Variants in KCNMB2 observed in about 807,000 individuals in gnomAD.
KCNMB2 encodes the protein calcium-activated potassium channel subunit beta-2.
In KCNMB2, 9 loss-of-function variants were observed where a neutral mutation model predicts 24.5. That is an observed-to-expected ratio of 0.37 (90% confidence interval 0.22 to 0.64). KCNMB2 has a LOEUF of 0.64. Among genes scored for constraint, KCNMB2 ranks in the 30% least tolerant of loss-of-function variants. KCNMB2 has a pLI of 0.63. For synonymous variants in KCNMB2, 109 were observed against 104.4 expected (o/e 1.04, Z -0.27); for missense variants, 226 against 284.3 (o/e 0.79, Z 1.47).
chr3:178,556,174 G>A (rs1282290279), intron 1 of KCNMB2, among the ~76,000 whole-genome samples: 1 of 152,214 alleles, frequency 6.6e-6, no homozygotes, highest in Non-Finnish European at 1.5e-5. Flanking sequence ...ATAAACTCAG[G>A]TTGAGTTTGA....
intron 1 of KCNMB2, among the ~76,000 whole-genome samples, chr3:178,692,794 C>T (rs1233657631): frequency 2.0e-5 from 3 of 152,128 alleles, no homozygotes; most frequent in Non-Finnish European, 4.4e-5. Context: ...AGAATCTCAA[C>T]AGTAGTTTAA....
chr3:178,591,508 C>G (rs1035559863), intron 1 of KCNMB2, among the ~76,000 whole-genome samples: 1 of 152,164 alleles, frequency 6.6e-6, no homozygotes, highest in African/African-American at 2.4e-5. Flanking sequence ...AGGGAGCACT[C>G]CCCGTCTCTC....
chr3:178,571,884 A>G (rs1417988343), intron 1 of KCNMB2, among the ~76,000 whole-genome samples: 1 of 152,112 alleles, frequency 6.6e-6, no homozygotes, highest in Non-Finnish European at 1.5e-5. Context: ...ACGGCTGCAT[A>G]GTATTCTATG....
At chr3:178,609,648 T>C (rs192087828) in intron 1 of KCNMB2, among the ~76,000 whole-genome samples, 228 of 152,234 alleles carry the variant, frequency 1.5e-3, no homozygotes, top group Non-Finnish European at 2.4e-3. Context: ...TTTCGATTTT[T>C]TTTTTTTTGG....
At chr3:178,768,094 A>G (rs943179956) in intron 1 of KCNMB2, among the ~76,000 whole-genome samples, 2 of 152,036 alleles carry the variant, frequency 1.3e-5, no homozygotes, top group Admixed American at 1.3e-4. Flanking sequence ...GTGAAGATAG[A>G]TTCCCCCAGA....
intron 1 of KCNMB2, among the ~76,000 whole-genome samples, chr3:178,746,524 T>C (rs1723674767): frequency 6.6e-6 from 1 of 152,240 alleles, no homozygotes; most frequent in South Asian, 2.1e-4. Context: ...GGCTCCTTGT[T>C]ACTTATGCAA....
intron 1 of KCNMB2, among the ~76,000 whole-genome samples, chr3:178,617,733 C>CA (rs1230999801): frequency 6.6e-6 from 1 of 150,704 alleles, no homozygotes; most frequent in African/African-American, 2.4e-5. Flanking sequence ...ACTAAAAACA[C>CA]AAAAAAAATT....
intron 2 of KCNMB2, chr3:178,820,648 C>A (rs1714587825): frequency 6.6e-6 from 1 of 152,544 alleles, no homozygotes; most frequent in African/African-American, 2.4e-5. Context: ...TATGGGCTGA[C>A]CCCCAATATC....
intron 1 of KCNMB2, among the ~76,000 whole-genome samples, chr3:178,578,499 T>A (rs1471589701): frequency 6.6e-6 from 1 of 152,168 alleles, no homozygotes; most frequent in Non-Finnish European, 1.5e-5. Context: ...GCTAGCATCA[T>A]AATGACAGGA....
intron 1 of KCNMB2, among the ~76,000 whole-genome samples, chr3:178,719,064 C>T (rs1722713114): frequency 6.6e-6 from 1 of 152,260 alleles, no homozygotes; most frequent in Non-Finnish European, 1.5e-5. Context: ...AGAAGCATCA[C>T]TGCATCAGTC....
chr3:178,819,140 G>GT (rs1276176794), intron 2 of KCNMB2, among the ~76,000 whole-genome samples: 1 of 152,036 alleles, frequency 6.6e-6, no homozygotes, highest in Non-Finnish European at 1.5e-5. Context: ...GCCCTTTTCT[G>GT]TTTTTTTCTT....
intron 1 of KCNMB2, among the ~76,000 whole-genome samples, chr3:178,707,256 AGTTTTCTCATCT>A (rs1177269257): frequency 2.6e-5 from 4 of 152,278 alleles, no homozygotes; most frequent in African/African-American, 9.6e-5. Context: ...TTTTATCATT[AGTTTTCTCATCT>A]GTGTAAAGAA....
Position 178,819,958 on chromosome 3 carries a change from TC to T in KCNMB2, c.57-5628del, listed in dbSNP as rs1190587209. 4.6e-5 allele frequency among the ~76,000 whole-genome samples: 7 copies of T among 152,086 alleles called. No homozygotes were observed. The East Asian group carries it at 1.2e-3, about 25-fold the overall frequency. On this transcript the variant is annotated intron_variant, in intron 2 of 4. Coordinates refer to ENST00000452583, the MANE Select transcript of KCNMB2 (RefSeq NM_181361.3). ...AATATATTTACAAAGAGACTAAGCC[TC>T]CTTAGAAAACTTAGCTTTTAAAAAT...
chr3:178,777,696 T>C (rs1712639303), intron 1 of KCNMB2, among the ~76,000 whole-genome samples: 1 of 152,172 alleles, frequency 6.6e-6, no homozygotes, highest in African/African-American at 2.4e-5. Context: ...TCAAAGAAAT[T>C]GATCAAAAAA....
In KCNMB2 at chr3:178,568,854, T is replaced by TGATAGATAGATA. The variant is rs5854811; in HGVS notation, c.-68+32179_-68+32190dup. On this transcript the variant is annotated intron_variant, in intron 1 of 4. Coordinates refer to ENST00000452583, the MANE Select transcript of KCNMB2 (RefSeq NM_181361.3). ...GATGATAGATAGATAGATAGATAGA[T>TGATAGATAGATA]GATAGATAGATAGATAGATAGATAG... Among the ~76,000 whole-genome samples the TGATAGATAGATA allele has an allele frequency of 2.5e-3, 201 of 80,708 alleles. 2 individuals carry two copies. The highest frequency in any genetic ancestry group is 6.5e-3 in the Middle Eastern group (1 of 154). 52.9% of individuals were successfully genotyped at this position (80,708 alleles called of 152,430 possible). A position where few individuals can be genotyped will look rare whatever the true frequency, so the allele number is the denominator to read the frequency against.
At chr3:178,614,297 G>GTATATATATATATATA (rs1718620687) in intron 1 of KCNMB2, among the ~76,000 whole-genome samples, 1 of 54,594 alleles carries the variant, frequency 1.8e-5, no homozygotes, top group African/African-American at 6.9e-5. Context: ...ATATATATAT[G>GTATATATATATATATA]TATGTATATA....
intron 1 of KCNMB2, among the ~76,000 whole-genome samples, chr3:178,630,356 G>A (rs1004454519): frequency 2.0e-5 from 3 of 152,222 alleles, no homozygotes; most frequent in African/African-American, 7.2e-5. Context: ...TAAAATAAGT[G>A]TTCCAGCATC....
intron 1 of KCNMB2, among the ~76,000 whole-genome samples, chr3:178,730,780 T>A (rs1308732738): frequency 1.3e-5 from 2 of 152,042 alleles, no homozygotes; most frequent in African/African-American, 4.8e-5. Flanking sequence ...GCATCAAGCC[T>A]TCCCCCTGCC....
At chr3:178,713,400 T>G (rs1288653147) in intron 1 of KCNMB2, among the ~76,000 whole-genome samples, 1 of 152,118 alleles carries the variant, frequency 6.6e-6, no homozygotes, top group Non-Finnish European at 1.5e-5. Context: ...GCAGACAAAA[T>G]AAGAAAAATA....
Sources: allele counts gnomAD v4.1 joint callset (sites outside exome capture counted in the v4.1 genomes callset), GRCh38; gene constraint gnomAD v4.1.1; transcripts MANE v1.5; gene names NCBI Gene and HGNC (gene_info 2026-07-23, HGNC 2026-07-21).